Variants in ADCY5 observed in about 807,000 individuals in gnomAD.
ADCY5 encodes adenylate cyclase 5.
A neutral mutation model predicts 119.7 loss-of-function variants in ADCY5; 30 were observed. The ratio of observed to expected loss-of-function variants is 0.25; its 90% confidence interval spans 0.19 to 0.34. ADCY5 has a LOEUF of 0.34. Ranked by LOEUF, ADCY5 falls within the 10% of genes least tolerant of loss-of-function variation. ADCY5 has a pLI of 1.00. For synonymous variants in ADCY5, 753 were observed against 762.2 expected (o/e 0.99, Z 0.20); for missense variants, 1,324 against 1,775.2 (o/e 0.75, Z 4.57).
chr3:123,341,465 A>C (rs1942277014), intron 3 of ADCY5, among the ~76,000 whole-genome samples: 2 of 152,064 alleles, frequency 1.3e-5, no homozygotes, highest in Admixed American at 6.6e-5. Flanking sequence ...GATGGTTTCC[A>C]GGAGCTTGGG....
intron 1 of ADCY5, among the ~76,000 whole-genome samples, chr3:123,384,052 G>C (rs1443625395): frequency 1.3e-5 from 2 of 152,158 alleles, no homozygotes; most frequent in Non-Finnish European, 2.9e-5. Flanking sequence ...GGGTAAGGGA[G>C]TCTGTCCATG....
chr3:123,423,029 G>A (rs1198537523), intron 1 of ADCY5, among the ~76,000 whole-genome samples: 4 of 152,174 alleles, frequency 2.6e-5, no homozygotes, highest in Non-Finnish European at 5.9e-5. Context: ...CCTGCACCTT[G>A]CAGTGAGAGG....
At chr3:123,426,204 C>A (rs1945404560) in intron 1 of ADCY5, among the ~76,000 whole-genome samples, 1 of 152,010 alleles carries the variant, frequency 6.6e-6, no homozygotes, top group Non-Finnish European at 1.5e-5. Flanking sequence ...AAACACCCTG[C>A]AGCATGGCAA....
chr3:123,401,959 G>A (rs940611943), intron 1 of ADCY5, among the ~76,000 whole-genome samples: 16 of 152,290 alleles, frequency 1.1e-4, no homozygotes, highest in East Asian at 3.9e-4. Context: ...ATACAGCCTC[G>A]ACAGGCTGGA....
chr3:123,419,183 T>C (rs1467392884), intron 1 of ADCY5: 1 of 985,386 alleles, frequency 1.0e-6, no homozygotes, highest in Non-Finnish European at 1.2e-6. Context: ...CCTCCCCTCA[T>C]CATGATTCCA....
chr3:123,302,655 C>A (rs1201480661), intron 14 of ADCY5, among the ~76,000 whole-genome samples: 1 of 152,182 alleles, frequency 6.6e-6, no homozygotes, highest in East Asian at 1.9e-4. Flanking sequence ...AGCTCCAGCT[C>A]TGTTGAGTCC....
At chr3:123,328,612 G>A (rs1229577120) in intron 6 of ADCY5, 32 bp downstream of exon 6, 36 of 1,609,522 alleles carry the variant, frequency 2.2e-5, no homozygotes, top group South Asian at 3.3e-5. Flanking sequence ...AACCCAGGTC[G>A]GGGCCCCAAG....
intron 6 of ADCY5, 65 bp from the exon 7 acceptor site, chr3:123,327,824 T>G: frequency 6.3e-7 from 1 of 1,575,472 alleles, no homozygotes; most frequent in South Asian, 1.1e-5. Flanking sequence ...TCAGCCCCCG[T>G]GAAAAACCAA....
chr3:123,401,688 C>T (rs550666175), intron 1 of ADCY5, among the ~76,000 whole-genome samples: 1 of 152,114 alleles, frequency 6.6e-6, no homozygotes, highest in African/African-American at 2.4e-5. Context: ...AATCTCCCTC[C>T]CTGGTCAGCA....
chr3:123,360,549 G>A (rs1159540455), intron 1 of ADCY5, among the ~76,000 whole-genome samples: 1 of 152,090 alleles, frequency 6.6e-6, no homozygotes, highest in Non-Finnish European at 1.5e-5. Flanking sequence ...CCAAACTCCT[G>A]TGCTGGCATT....
intron 1 of ADCY5, among the ~76,000 whole-genome samples, chr3:123,396,043 A>G (rs1576662238): frequency 1.4e-5 from 1 of 72,814 alleles, no homozygotes; most frequent in Non-Finnish European, 2.5e-5. Context: ...AGAGGGAGGG[A>G]GGGAGAGAGG....
At chr3:123,293,585 G>A (rs1269412693) in intron 17 of ADCY5, among the ~76,000 whole-genome samples, 1 of 151,852 alleles carries the variant, frequency 6.6e-6, no homozygotes, top group African/African-American at 2.4e-5. Context: ...GTGAGGAGGG[G>A]GTGGGGGGGG....
intron 1 of ADCY5, among the ~76,000 whole-genome samples, chr3:123,384,251 C>T (rs998629507): frequency 1.3e-5 from 2 of 152,224 alleles, no homozygotes; most frequent in African/African-American, 4.8e-5. Flanking sequence ...CAGGTGGGAC[C>T]TGCTGTCCCC....
chr3:123,348,398 G>T (rs1291230752), intron 2 of ADCY5, among the ~76,000 whole-genome samples: 1 of 152,168 alleles, frequency 6.6e-6, no homozygotes, highest in African/African-American at 2.4e-5. Flanking sequence ...GGGACCAAGT[G>T]AGTTAACACC....
intron 1 of ADCY5, among the ~76,000 whole-genome samples, chr3:123,380,942 C>A (rs1036431372): frequency 9.2e-5 from 14 of 152,194 alleles, no homozygotes; most frequent in African/African-American, 3.4e-4. Context: ...AAGGAGACAG[C>A]AAGCCTGGGT....
At chr3:123,350,791 C>T (rs1230501437) in intron 2 of ADCY5, among the ~76,000 whole-genome samples, 2 of 152,174 alleles carry the variant, frequency 1.3e-5, no homozygotes, top group African/African-American at 2.4e-5. Context: ...CTGGCCCGGG[C>T]AGAGCAAGGA....
chr3:123,443,350 C>T (rs1945755380), intron 1 of ADCY5, among the ~76,000 whole-genome samples: 2 of 152,272 alleles, frequency 1.3e-5, no homozygotes, highest in Middle Eastern at 3.4e-3. Context: ...AAGCCAACTA[C>T]CAGCCAAGAA....
intron 2 of ADCY5, among the ~76,000 whole-genome samples, chr3:123,351,382 T>G (rs1171059917): frequency 6.6e-6 from 1 of 152,222 alleles, no homozygotes; most frequent in Non-Finnish European, 1.5e-5. Context: ...GAGTGACCAC[T>G]GCCATCTTGG....
At chr3:123,414,894 C>T (rs550551292) in intron 1 of ADCY5, among the ~76,000 whole-genome samples, 8 of 152,304 alleles carry the variant, frequency 5.3e-5, no homozygotes, top group Admixed American at 6.5e-5. Flanking sequence ...TCTGGAGGAT[C>T]GACAGATGAG....
Sources: gnomAD v4.1 joint callset for allele counts (sites outside exome capture counted in the v4.1 genomes callset) on GRCh38, gnomAD v4.1.1 for gene constraint, MANE v1.5 for transcripts, NCBI Gene and HGNC (gene_info 2026-07-23, HGNC 2026-07-21) for gene names.